Variants in SHISA9 observed in about 807,000 individuals in gnomAD.
SHISA9 encodes the protein shisa family member 9.
In SHISA9, 13 loss-of-function variants were observed where a neutral mutation model predicts 38.0. The observed-to-expected ratio is 0.34, with a 90% CI of 0.22 to 0.54. The LOEUF is 0.54. Ranked by LOEUF, SHISA9 falls within the 20% of genes least tolerant of loss-of-function variation. The pLI, the probability that SHISA9 is intolerant of heterozygous loss-of-function variation, is 0.91. For missense variants in SHISA9, 538 were observed against 575.8 expected (o/e 0.93, Z 0.67); for synonymous variants, 275 against 242.0 (o/e 1.14, Z -1.27).
the SHISA9 span, among the ~76,000 whole-genome samples, chr16:13,445,431 C>T: frequency 6.6e-6 from 1 of 152,122 alleles, no homozygotes; most frequent in East Asian, 1.9e-4. Flanking sequence ...CTATAATAGT[C>T]TTTGGAACCT....
chr16:12,985,072 T>C (rs1427475592), intron 2 of SHISA9, among the ~76,000 whole-genome samples: 1 of 152,184 alleles, frequency 6.6e-6, no homozygotes, highest in East Asian at 1.9e-4. Flanking sequence ...TCCTGAATAC[T>C]GTGTTATATA....
the SHISA9 span, among the ~76,000 whole-genome samples, chr16:13,397,317 C>T: frequency 6.6e-6 from 1 of 152,284 alleles, no homozygotes. Flanking sequence ...CTAGGGGGAG[C>T]ATGCAGACAG....
At chr16:12,904,938 G>A (rs1321554752) in intron 1 of SHISA9, among the ~76,000 whole-genome samples, 2 of 152,040 alleles carry the variant, frequency 1.3e-5, no homozygotes, top group East Asian at 3.9e-4. Context: ...GGCAGGTTTT[G>A]AACTCCTGAC....
intron 2 of SHISA9, among the ~76,000 whole-genome samples, chr16:13,063,282 A>T (rs276624): frequency 0.1 from 15,465 of 152,134 alleles, 832 homozygotes; most frequent in South Asian, 0.16. Context: ...CTAGGATTAC[A>T]GGTGTGAGCC....
chr16:13,102,088 T>A (rs1241832307), intron 2 of SHISA9, among the ~76,000 whole-genome samples: 4 of 152,120 alleles, frequency 2.6e-5, no homozygotes, highest in African/African-American at 9.7e-5. Flanking sequence ...GACTGTCCCC[T>A]CCCTCCCTGA....
chr16:13,155,713 A>G (rs2050538801), intron 2 of SHISA9, among the ~76,000 whole-genome samples: 2 of 152,202 alleles, frequency 1.3e-5, no homozygotes, highest in Admixed American at 1.3e-4. Context: ...GGCCTGGGGG[A>G]AACGTGGCTG....
the SHISA9 span, among the ~76,000 whole-genome samples, chr16:13,269,402 A>G: frequency 6.6e-6 from 1 of 152,218 alleles, no homozygotes; most frequent in African/African-American, 2.4e-5. Context: ...ATCCTCCTCC[A>G]TATTTCCAGG....
At chr16:13,471,054 C>A in the SHISA9 span, among the ~76,000 whole-genome samples, 1 of 151,840 alleles carries the variant, frequency 6.6e-6, no homozygotes, top group Non-Finnish European at 1.5e-5. Context: ...CTTGCTGGAA[C>A]CCTAAAGATC....
the SHISA9 span, among the ~76,000 whole-genome samples, chr16:13,462,710 G>A: frequency 1.1e-4 from 16 of 152,114 alleles, no homozygotes; most frequent in Admixed American, 3.9e-4. Flanking sequence ...ACGTGTAATC[G>A]TAGCAGTTTA....
chr16:13,231,532 A>G (rs1160006904), intron 4 of SHISA9, among the ~76,000 whole-genome samples: 1 of 152,216 alleles, frequency 6.6e-6, no homozygotes, highest in Non-Finnish European at 1.5e-5. Flanking sequence ...GCAGATTCCA[A>G]GATTCCTTTT....
intron 2 of SHISA9, among the ~76,000 whole-genome samples, chr16:12,970,075 G>A (rs1386763851): frequency 6.6e-6 from 1 of 151,058 alleles, no homozygotes; most frequent in African/African-American, 2.4e-5. Flanking sequence ...GTGAATAAAT[G>A]GGCTTTATTA....
At chr16:13,526,805 C>A in the SHISA9 span, among the ~76,000 whole-genome samples, 1 of 152,176 alleles carries the variant, frequency 6.6e-6, no homozygotes, top group Non-Finnish European at 1.5e-5. Context: ...GACTCCACCC[C>A]TGAAGATGGA....
At chr16:12,954,928 T>A (rs756101237) in intron 2 of SHISA9, among the ~76,000 whole-genome samples, 8 of 152,190 alleles carry the variant, frequency 5.3e-5, no homozygotes, top group Non-Finnish European at 8.8e-5. Flanking sequence ...TTATTGGGCA[T>A]CTACTATGCA....
chr16:13,092,613 T>C (rs2073786500), intron 2 of SHISA9, among the ~76,000 whole-genome samples: 1 of 152,258 alleles, frequency 6.6e-6, no homozygotes, highest in Admixed American at 6.5e-5. Context: ...TCCATGGGCA[T>C]GGGACCTGCC....
At chr16:13,269,737 G>T in the SHISA9 span, among the ~76,000 whole-genome samples, 1 of 152,198 alleles carries the variant, frequency 6.6e-6, no homozygotes, top group Non-Finnish European at 1.5e-5. Context: ...TGGATAAAGA[G>T]AAAGAATTTA....
chr16:13,250,716 T>C, the SHISA9 span, among the ~76,000 whole-genome samples: 1 of 152,156 alleles, frequency 6.6e-6, no homozygotes, highest in African/African-American at 2.4e-5. Flanking sequence ...ATGATTAGCT[T>C]TGGGTTTGAG....
chr16:13,097,971 A>G (rs2073843694), intron 2 of SHISA9, among the ~76,000 whole-genome samples: 1 of 152,226 alleles, frequency 6.6e-6, no homozygotes. Context: ...GTCAACATTA[A>G]CTGAGCACTT....
intron 2 of SHISA9, among the ~76,000 whole-genome samples, chr16:13,160,405 G>A (rs556574835): frequency 6.6e-6 from 1 of 152,274 alleles, no homozygotes; most frequent in Non-Finnish European, 1.5e-5. Context: ...ATTCACCCAA[G>A]AGGCACTTAA....
the SHISA9 span, among the ~76,000 whole-genome samples, chr16:13,292,957 A>G: frequency 6.6e-6 from 1 of 152,186 alleles, no homozygotes. Flanking sequence ...AAGAGAATGG[A>G]GAGAGCAGAT....
Sources: allele counts gnomAD v4.1 joint callset (sites outside exome capture counted in the v4.1 genomes callset), GRCh38; gene constraint gnomAD v4.1.1; transcripts MANE v1.5; gene names NCBI Gene and HGNC (gene_info 2026-07-23, HGNC 2026-07-21).